ZSCAN22: variants seen among roughly 807,000 people sequenced by gnomAD.
ZSCAN22 encodes the protein zinc finger and SCAN domain containing 22, also known as zinc finger and SCAN domain-containing protein 22.
Under a neutral mutation model 12.4 loss-of-function variants are expected in ZSCAN22, and 7 were observed. That is an observed-to-expected ratio of 0.57 (90% confidence interval 0.32 to 1.06). ZSCAN22 has a LOEUF of 1.06. ZSCAN22 is among the 50% of genes least tolerant of loss of function. ZSCAN22 has a pLI of 0.04. For missense variants in ZSCAN22, 576 were observed against 631.7 expected (o/e 0.91, Z 0.94); for synonymous variants, 243 against 255.9 (o/e 0.95, Z 0.48).
intron 2 of ZSCAN22, among the ~76,000 whole-genome samples, chr19:58,337,087 G>A (rs1321681117): frequency 6.6e-6 from 1 of 152,196 alleles, no homozygotes; most frequent in Non-Finnish European, 1.5e-5. Flanking sequence ...ATCTCCAAGA[G>A]CACCTCCGCC....
rs908706239 is a variant in ZSCAN22, at chr19:58,335,662, G to A, written c.403+457G>A. Among the ~76,000 whole-genome samples the A allele has an allele frequency of 6.6e-6, 1 of 152,236 alleles. No homozygotes were observed. The highest frequency in any genetic ancestry group is 1.5e-5 in the Non-Finnish European group (1 of 68,040). On this transcript the variant is annotated intron_variant, in intron 2 of 2. Coordinates refer to ENST00000329665, the MANE Select transcript of ZSCAN22 (RefSeq NM_181846.3). The surrounding 1 kb of genome is among the most constrained non-coding windows in gnomAD (Gnocchi z 4.1). ...CCCACTGGCCTGGTTGGGATCTTATGTTTGTGTTTGGCCAACCAAATCCCA... is the reference window on the plus strand; with the variant it reads ...CCCACTGGCCTGGTTGGGATCTTATATTTGTGTTTGGCCAACCAAATCCCA...
Position 58,342,292 on chromosome 19 carries a change from A to G in ZSCAN22, c.*2966A>G, listed in dbSNP as rs1441848848. 1 of 152,234 alleles carries G rather than the reference A, an allele frequency of 6.6e-6. No individual in the cohort carries two copies. The highest frequency in any genetic ancestry group is 2.4e-5 in the African/African-American group (1 of 41,458). 9.4% of individuals were successfully genotyped at this position (152,234 alleles called of 1,614,324 possible). A position where few individuals can be genotyped will look rare whatever the true frequency, so the allele number is the denominator to read the frequency against. On this transcript the variant is annotated 3_prime_UTR_variant, in exon 3 of 3. Coordinates refer to ENST00000329665, the MANE Select transcript of ZSCAN22 (RefSeq NM_181846.3). ...CACTAGGATTTGACAGCATATCCAA[A>G]TATGTCAGCAATTTCAATAAACATG... is the stretch of plus-strand genomic sequence containing the variant.
intron 2 of ZSCAN22, among the ~76,000 whole-genome samples, chr19:58,336,206 G>A (rs1433049193): frequency 2.0e-5 from 3 of 152,160 alleles, no homozygotes; most frequent in African/African-American, 7.2e-5. Context: ...GTGGTGTTGC[G>A]AGATACAAGG....
In ZSCAN22 at chr19:58,334,989, C is replaced by T. The variant is rs776836751; in HGVS notation, c.187C>T (p.Pro63Ser). ...CTTCCGCTATGAGGAGGCATCTGGT[C>T]CACACGAGGCCCTGGCCCACCTCCG... The part of the protein sequence containing the change: ...RHFRYEEASG[P>S]HEALAHLRAL... Residue 63 changes from proline (P) to serine (S), a missense_variant, in exon 2 of 3, where the codon CCA (proline) becomes TCA (serine). Coordinates refer to ENST00000329665, the MANE Select transcript of ZSCAN22 (RefSeq NM_181846.3). 1.4e-5 allele frequency: 22 copies of T among 1,613,998 alleles called. No homozygotes were observed. Among genetic ancestry groups the T allele is most frequent in the African/African-American group, 2.7e-5 (2 of 74,942 alleles).
rs1191419735 is a variant in ZSCAN22 at position 58,338,185 on chromosome 19, G to T, written c.404-69G>T. ...CATCTCCCCTTACAAAGTGTGACCG[G>T]GGCCCTCGGCAGAGTAGGGGAGGCT... On this transcript the variant is annotated intron_variant, in intron 2 of 2. Transcript: ENST00000329665. This position sits in a 1 kb window ranked among gnomAD's most constrained non-coding sequence, Gnocchi z 5.4. 1 of 1,402,050 alleles carries T rather than the reference G, an allele frequency of 7.1e-7. No individual in the cohort carries two copies. The highest frequency in any genetic ancestry group is 1.4e-5 in the African/African-American group (1 of 69,614). The allele number at this position is 1,402,050 out of a possible 1,614,324, so 86.9% of individuals were successfully genotyped here.
chr19:58,330,064 G>A (rs1434429624), intron 1 of ZSCAN22, among the ~76,000 whole-genome samples: 2 of 152,180 alleles, frequency 1.3e-5, no homozygotes, highest in African/African-American at 4.8e-5. Flanking sequence ...TGAGGTGGGC[G>A]GAACATGAGG....
intron 1 of ZSCAN22, among the ~76,000 whole-genome samples, chr19:58,334,117 G>A (rs1568542958): frequency 6.6e-6 from 1 of 152,170 alleles, no homozygotes; most frequent in Non-Finnish European, 1.5e-5. Flanking sequence ...GGGAACAGAG[G>A]GAGAAAGACT....
rs535387871 is a variant in ZSCAN22 at position 58,327,401 on chromosome 19, T to G, written c.-52+287T>G. On this transcript the variant is annotated intron_variant, in intron 1 of 2. Transcript: ENST00000329665. Reference sequence around the variant, plus strand: ...CCGAATGTGGTGCGGAATGACACACTGAGTGCCGGACGGACCGACGGAGAA... The same window carrying G: ...CCGAATGTGGTGCGGAATGACACACGGAGTGCCGGACGGACCGACGGAGAA... Among the ~76,000 whole-genome samples the G allele has an allele frequency of 5.7e-4, 86 of 152,090 alleles. 1 individual carries two copies. Among genetic ancestry groups the G allele is most frequent in the African/African-American group, 2.0e-3 (84 of 41,482 alleles).
rs61740189 is a variant in ZSCAN22 at position 58,338,598 on chromosome 19, C to G, written c.748C>G (p.Leu250Val). ...GCCTCCTTCAGAAGACAAATTTGAT[C>G]TGGTGGATGCTTATGGGACAGAGCC... ...EKPPSEDKFDLVDAYGTEPPY... is the reference protein window; with the variant it reads ...EKPPSEDKFDVVDAYGTEPPY... The change falls in exon 3 of 3, where the codon CTG becomes GTG. Residue 250 changes from leucine to valine, a missense_variant. Coordinates refer to ENST00000329665, the MANE Select transcript of ZSCAN22 (RefSeq NM_181846.3). This position sits in a 1 kb window ranked among gnomAD's most constrained non-coding sequence, Gnocchi z 5.4. 2,362 of 1,614,244 alleles carry G rather than the reference C, an allele frequency of 1.5e-3. 24 individuals carry two copies. The African/African-American group carries it at 0.027, about 18-fold the overall frequency.
intron 1 of ZSCAN22, among the ~76,000 whole-genome samples, chr19:58,328,528 CA>C (rs2051683404): frequency 6.6e-6 from 1 of 152,210 alleles, no homozygotes; most frequent in Non-Finnish European, 1.5e-5. Flanking sequence ...AATCTCATAG[CA>C]ACCCTCTGAG....
intron 1 of ZSCAN22, among the ~76,000 whole-genome samples, chr19:58,332,091 T>C (rs1284254379): frequency 6.6e-6 from 1 of 151,728 alleles, no homozygotes; most frequent in Non-Finnish European, 1.5e-5. Context: ...CAGGCTGGTC[T>C]TGAACTCCTG....
chr19:58,338,730 A>T lies in ZSCAN22; in HGVS notation c.880A>T (p.Thr294Ser), dbSNP rs748093868. ...ACACCAGAAGACCCATTCTCGGAAG[A>T]CCCCATATGCCTGCAGCGAGTGTGG... ...EAHQKTHSRK[T>S]PYACSECGKA... The change falls in exon 3 of 3, where the codon ACC becomes TCC. Residue 294 changes from threonine to serine, a missense_variant. Physicochemically the swap from Thr to Ser is moderately conservative, Grantham distance 58 (BLOSUM62 1). Coordinates refer to ENST00000329665, the MANE Select transcript of ZSCAN22 (RefSeq NM_181846.3). The surrounding 1 kb of genome is among the most constrained non-coding windows in gnomAD (Gnocchi z 5.4). 6.2e-7 allele frequency: 1 copy of T among 1,614,128 alleles called. No homozygotes were observed. The highest frequency in any genetic ancestry group is 8.5e-7 in the Non-Finnish European group (1 of 1,180,026).
chr19:58,330,950 G>A (rs1383857287), intron 1 of ZSCAN22, among the ~76,000 whole-genome samples: 1 of 152,208 alleles, frequency 6.6e-6, no homozygotes, highest in African/African-American at 2.4e-5. Context: ...CTGAACAAAA[G>A]TATTATTATT....
chr19:58,330,961 G>A (rs993549942), intron 1 of ZSCAN22, among the ~76,000 whole-genome samples: 1 of 152,196 alleles, frequency 6.6e-6, no homozygotes, highest in Admixed American at 6.5e-5. Context: ...TATTATTATT[G>A]ATGTATGTGC....
chr19:58,338,797 T>C lies in ZSCAN22; in HGVS notation c.947T>C (p.Val316Ala), dbSNP rs750661237. ...SRSTHLAQHQ[V>A]VHTGAKPHEC... is the part of the protein sequence containing the mutation. ...AGCACTCACCTCGCCCAGCACCAGGTTGTCCACACAGGGGCGAAGCCCCAT... is the reference window on the plus strand; with the variant it reads ...AGCACTCACCTCGCCCAGCACCAGGCTGTCCACACAGGGGCGAAGCCCCAT... Residue 316 changes from valine to alanine, a missense_variant, in exon 3 of 3, where the codon GTT (valine) becomes GCT (alanine). Transcript: ENST00000329665. This position sits in a 1 kb window ranked among gnomAD's most constrained non-coding sequence, Gnocchi z 5.4. The C allele has an allele frequency of 2.5e-6, 4 of 1,612,368 alleles. No homozygotes were observed. The highest frequency in any genetic ancestry group is 1.1e-5 in the South Asian group (1 of 90,970).
chr19:58,328,700 C>A (rs1024800495), intron 1 of ZSCAN22, among the ~76,000 whole-genome samples: 2 of 152,112 alleles, frequency 1.3e-5, no homozygotes, highest in African/African-American at 4.8e-5. Flanking sequence ...ATTTCAGAGA[C>A]CGTCATGAGG....
chr19:58,334,155 A>C (rs886519199), intron 1 of ZSCAN22, among the ~76,000 whole-genome samples: 1 of 152,244 alleles, frequency 6.6e-6, no homozygotes, highest in Non-Finnish European at 1.5e-5. Context: ...AGCACGCCTT[A>C]AACAGGCTGG....
rs1288983310 is a variant in ZSCAN22 at position 58,340,464 on chromosome 19, CT to C, written c.*1143del. ...TGCCTGGAACCCTCCTCTTCTTTTT[CT>C]TTTTCTTTTCTTTTCTTTTTTTTTT... On this transcript the variant is annotated 3_prime_UTR_variant, in exon 3 of 3. Coordinates refer to ENST00000329665, the MANE Select transcript of ZSCAN22 (RefSeq NM_181846.3). The C allele has an allele frequency of 4.5e-5, 7 of 155,602 alleles. No homozygotes were observed. Among genetic ancestry groups the C allele is most frequent in the East Asian group, 3.8e-4 (2 of 5,296 alleles). The allele number at this position is 155,602 out of a possible 1,614,324, so 9.6% of individuals were successfully genotyped here.
chr19:58,338,785 C>T lies in ZSCAN22; in HGVS notation c.935C>T (p.Ala312Val). The T allele has an allele frequency of 2.5e-6, 4 of 1,614,150 alleles. No homozygotes were observed. The highest frequency in any genetic ancestry group is 2.2e-5 in the South Asian group (2 of 91,090). ...GKAFSRSTHL[A>V]QHQVVHTGAK... Reference sequence around the variant, plus strand: ...GCCTTCAGCCGGAGCACTCACCTCGCCCAGCACCAGGTTGTCCACACAGGG... The same window carrying T: ...GCCTTCAGCCGGAGCACTCACCTCGTCCAGCACCAGGTTGTCCACACAGGG... The change falls in exon 3 of 3, where the codon GCC (alanine) becomes GTC (valine). Residue 312 changes from alanine (A) to valine (V), a missense_variant. Coordinates refer to ENST00000329665, the MANE Select transcript of ZSCAN22 (RefSeq NM_181846.3). The surrounding 1 kb of genome is among the most constrained non-coding windows in gnomAD (Gnocchi z 5.4).
Sources: allele counts gnomAD v4.1 joint callset (sites outside exome capture counted in the v4.1 genomes callset), GRCh38; gene constraint gnomAD v4.1.1; non-coding constraint Gnocchi (gnomAD v3.1); transcripts MANE v1.5; gene names NCBI Gene and HGNC (gene_info 2026-07-23, HGNC 2026-07-21).